CCDC12: variants seen among roughly 807,000 people sequenced by gnomAD.
CCDC12 encodes coiled-coil domain-containing protein 12.
In CCDC12, 28 loss-of-function variants were observed where a neutral mutation model predicts 25.7. The observed-to-expected ratio is 1.09, with a 90% CI of 0.81 to 1.50. The LOEUF (loss-of-function observed/expected upper bound fraction) is 1.50, where lower values mean the gene tolerates loss of function less well. Among genes scored for constraint, CCDC12 ranks in the 40% most tolerant of loss-of-function variants. CCDC12 has a pLI of 0.00. For synonymous variants in CCDC12, 75 were observed against 87.7 expected (o/e 0.86, Z 0.81); for missense variants, 198 against 210.0 (o/e 0.94, Z 0.35).
chr3:46,972,551 C>A (rs2034835788), intron 1 of CCDC12, among the ~76,000 whole-genome samples: 1 of 152,036 alleles, frequency 6.6e-6, no homozygotes, highest in African/African-American at 2.4e-5. Flanking sequence ...GGATGTTCAA[C>A]ATCACTCATC....
intron 1 of CCDC12, among the ~76,000 whole-genome samples, chr3:46,945,608 ATT>A (rs1268551283): frequency 6.6e-6 from 1 of 152,228 alleles, no homozygotes; most frequent in Non-Finnish European, 1.5e-5. Flanking sequence ...CAAAGTTGGT[ATT>A]GTTTCTTCCT....
At chr3:46,978,872 A>G (rs2035107673), upstream of CCDC12, among the ~76,000 whole-genome samples, 1 of 152,102 alleles carries the variant, frequency 6.6e-6, no homozygotes, top group African/African-American at 2.4e-5. Flanking sequence ...AGTCCCAGCT[A>G]CTCAGGAGGC....
At chr3:46,979,075 G>A (rs913895181), upstream of CCDC12, among the ~76,000 whole-genome samples, 1 of 152,212 alleles carries the variant, frequency 6.6e-6, no homozygotes. Flanking sequence ...TGGAGTTGGG[G>A]AATGGGGGGA....
At chr3:46,948,735 C>T (rs1343890152) in intron 1 of CCDC12, among the ~76,000 whole-genome samples, 1 of 152,254 alleles carries the variant, frequency 6.6e-6, no homozygotes, top group Non-Finnish European at 1.5e-5. Context: ...GGCCAGGCCA[C>T]GGCATGCCTA....
intron 1 of CCDC12, 183 bp downstream of exon 1, chr3:46,976,454 A>C (rs1295763383): frequency 7.0e-7 from 1 of 1,422,208 alleles, no homozygotes; most frequent in Non-Finnish European, 9.2e-7. Flanking sequence ...GCGCCAGAGG[A>C]GTCCCACGCC....
chr3:46,979,851 CG>C, upstream of CCDC12: 1 of 452,544 alleles, frequency 2.2e-6, no homozygotes. Context: ...GGGCCGGAGC[CG>C]GGCCGGGCCA....
At position 46,957,772 on chromosome 3, in the gene CCDC12, T is replaced by C. The variant is rs139452419; in HGVS notation, c.97-16707A>G. 6.5e-4 allele frequency among the ~76,000 whole-genome samples: 98 copies of C among 151,720 alleles called. 1 individual carries two copies. Among genetic ancestry groups the C allele is most frequent in the African/African-American group, 1.4e-3 (59 of 41,332 alleles). Reference sequence around the variant, plus strand: ...GGCTGGCCAACATGATGAAACACTGTCTCTACTAAAAATACAAAAAATTAG... The same window carrying C: ...GGCTGGCCAACATGATGAAACACTGCCTCTACTAAAAATACAAAAAATTAG... On this transcript the variant is annotated intron_variant, in intron 1 of 6. Coordinates refer to ENST00000683445, the MANE Select transcript of CCDC12 (RefSeq NM_001277074.2).
intron 2 of CCDC12, among the ~76,000 whole-genome samples, chr3:46,929,445 G>T (rs1006999437): frequency 2.0e-5 from 3 of 152,158 alleles, no homozygotes; most frequent in Non-Finnish European, 2.9e-5. Context: ...TTGGAGACTG[G>T]GCAGGGTGTG....
chr3:46,976,458 C>A, intron 1 of CCDC12, 179 bp downstream of exon 1: 1 of 1,426,962 alleles, frequency 7.0e-7, no homozygotes, highest in South Asian at 1.5e-5. Flanking sequence ...CAGAGGAGTC[C>A]CACGCCAAGC....
intron 1 of CCDC12, among the ~76,000 whole-genome samples, chr3:46,971,515 T>C (rs2034801829): frequency 6.6e-6 from 1 of 152,234 alleles, no homozygotes. Context: ...AAACTACAGC[T>C]GCATGACTAC....
chr3:46,961,033 T>C (rs1472100724), intron 1 of CCDC12, among the ~76,000 whole-genome samples: 2 of 138,264 alleles, frequency 1.4e-5, no homozygotes, highest in Admixed American at 7.2e-5. Flanking sequence ...GAGGTACTAT[T>C]GTGGGGGGAA....
At chr3:46,956,528 T>C (rs2034292208) in intron 1 of CCDC12, among the ~76,000 whole-genome samples, 1 of 152,048 alleles carries the variant, frequency 6.6e-6, no homozygotes, top group African/African-American at 2.4e-5. Flanking sequence ...CACAAAGAAA[T>C]CATTCATAAG....
At chr3:46,956,290 C>T (rs1379745137) in intron 1 of CCDC12, among the ~76,000 whole-genome samples, 10 of 152,224 alleles carry the variant, frequency 6.6e-5, no homozygotes, top group Admixed American at 1.3e-4. Flanking sequence ...GAATCTTCCA[C>T]GGTAAGACCT....
At chr3:46,961,952 C>T (rs2034477255) in intron 1 of CCDC12, among the ~76,000 whole-genome samples, 1 of 152,168 alleles carries the variant, frequency 6.6e-6, no homozygotes, top group Non-Finnish European at 1.5e-5. Context: ...ACGCACACCA[C>T]ACAAAAGTAA....
intron 2 of CCDC12, among the ~76,000 whole-genome samples, chr3:46,937,587 G>A (rs1288981668): frequency 6.6e-6 from 1 of 152,230 alleles, no homozygotes; most frequent in South Asian, 2.1e-4. Context: ...CAGTGGCAAA[G>A]GAGGCTGTAG....
At chr3:46,979,662 C>A (rs1361662395), upstream of CCDC12, 4 of 315,558 alleles carry the variant, frequency 1.3e-5, no homozygotes, top group Non-Finnish European at 2.3e-5. Flanking sequence ...GGGCGGCGGC[C>A]GGCAGTGAGG....
chr3:46,951,798 A>AAAAAAAAAAAAAAAAAATATATATATAT, intron 1 of CCDC12, among the ~76,000 whole-genome samples: 1 of 8,468 alleles, frequency 1.2e-4, no homozygotes, highest in African/African-American at 2.5e-4. Context: ...AAAAAAAAAA[A>AAAAAAAAAAAAAAAAAATATATATATAT]ATATATATAT....
At chr3:46,961,049 T>A (rs1347598582) in intron 1 of CCDC12, among the ~76,000 whole-genome samples, 3 of 128,862 alleles carry the variant, frequency 2.3e-5, no homozygotes, top group Non-Finnish European at 4.9e-5. Context: ...GGGAAGTGTG[T>A]GGGGTAGGGC....
chr3:46,977,904 TAG>T (rs2035050539), upstream of CCDC12, among the ~76,000 whole-genome samples: 3 of 152,218 alleles, frequency 2.0e-5, 1 homozygote, highest in South Asian at 6.2e-4. Context: ...CTGCATGAAC[TAG>T]AGTGTCCTGA....
Sources: gnomAD v4.1 joint callset for allele counts (sites outside exome capture counted in the v4.1 genomes callset) on GRCh38, gnomAD v4.1.1 for gene constraint, MANE v1.5 for transcripts, NCBI Gene and HGNC (gene_info 2026-07-23, HGNC 2026-07-21) for gene names.